ABCA13: variants seen among roughly 807,000 people sequenced by gnomAD.
The protein encoded by ABCA13 is ATP-binding cassette sub-family A member 13.
A neutral mutation model predicts 478.7 loss-of-function variants in ABCA13; 476 were observed. The observed-to-expected ratio is 0.99, with a 90% CI of 0.92 to 1.07. ABCA13 has a LOEUF of 1.07. Ranked by LOEUF, ABCA13 falls within the 50% of genes least tolerant of loss-of-function variation. The pLI, the probability that ABCA13 is intolerant of heterozygous loss-of-function variation, is 0.00. For missense variants in ABCA13, 6,060 were observed against 5,910.6 expected (o/e 1.03, Z -0.83); for synonymous variants, 2,252 against 2,158.9 (o/e 1.04, Z -1.20).
intron 22 of ABCA13, among the ~76,000 whole-genome samples, chr7:48,297,710 G>A (rs1251691219): frequency 1.3e-5 from 2 of 152,032 alleles, no homozygotes; most frequent in Non-Finnish European, 2.9e-5. Flanking sequence ...GAGATGAGTA[G>A]ATGCATGTAT....
rs781366143 is a variant in ABCA13, at chr7:48,352,248, T to C, written c.10449T>C (p.His3483=). 1.2e-6 allele frequency: 2 copies of C among 1,613,150 alleles called. No individual in the cohort carries two copies. The highest frequency in any genetic ancestry group is 4.5e-5 in the East Asian group (2 of 44,872). Residue 3483 remains histidine (H), a synonymous_variant, in exon 31 of 62, where the codon CAT becomes CAC. Transcript: ENST00000435803. ...CAGAGTCTGTCAAACTGCCACCCCA[T>C]GTCTCATACACAATCCGGACCAATG... ...FRSESVKLPP[H]VSYTIRTNVL...
At chr7:48,573,881 T>C (rs904809274) in intron 55 of ABCA13, among the ~76,000 whole-genome samples, 1 of 152,160 alleles carries the variant, frequency 6.6e-6, no homozygotes. Context: ...AGGGATCTGC[T>C]ACAGCCCTGT....
chr7:48,346,035 G>T (rs910849065), intron 29 of ABCA13, among the ~76,000 whole-genome samples: 1 of 152,106 alleles, frequency 6.6e-6, no homozygotes, highest in African/African-American at 2.4e-5. Flanking sequence ...TTCTATGCAG[G>T]TTTGTAGCCT....
intron 57 of ABCA13, among the ~76,000 whole-genome samples, chr7:48,592,557 T>G (rs1789867047): frequency 6.6e-6 from 1 of 151,910 alleles, no homozygotes; most frequent in Non-Finnish European, 1.5e-5. Context: ...CTGCTATTGT[T>G]GGATGGAATG....
At position 48,307,046 on chromosome 7, in the gene ABCA13, G is replaced by T. The variant is rs894149134; in HGVS notation, c.9322-2901G>T. Among the ~76,000 whole-genome samples the T allele has an allele frequency of 1.2e-4, 18 of 152,224 alleles. No individual in the cohort carries two copies. The East Asian group carries it at 3.1e-3, about 26-fold the overall frequency. On this transcript the variant is annotated intron_variant, in intron 23 of 61. Transcript: ENST00000435803. Reference sequence around the variant, plus strand: ...CAGCTCCTTCCTAGGTCCCAAATCCGCTGGCCCACCCTGCAGATTTTGGGC... The same window carrying T: ...CAGCTCCTTCCTAGGTCCCAAATCCTCTGGCCCACCCTGCAGATTTTGGGC...
intron 39 of ABCA13, among the ~76,000 whole-genome samples, chr7:48,407,071 A>G (rs1818360949): frequency 6.6e-6 from 1 of 152,140 alleles, no homozygotes; most frequent in Admixed American, 6.5e-5. Flanking sequence ...TATAATTGAC[A>G]AATGAAAATT....
rs527709669 is a variant in ABCA13 at position 48,280,258 on chromosome 7, G to A, written c.8726+338G>A. Among the ~76,000 whole-genome samples the A allele has an allele frequency of 1.6e-3, 239 of 152,288 alleles. 1 individual carries two copies. Among genetic ancestry groups the A allele is most frequent in the Non-Finnish European group, 3.0e-3 (207 of 68,024 alleles). The stretch of plus-strand genomic sequence containing the variant: ...TGTTCATATCCTCTGGCAGCCAAGG[G>A]TCCTATGACTCAGTATACACACAAG... On this transcript the variant is annotated intron_variant, in intron 18 of 61. Coordinates refer to ENST00000435803, the MANE Select transcript of ABCA13 (RefSeq NM_152701.5).
intron 59 of ABCA13, among the ~76,000 whole-genome samples, chr7:48,641,620 A>G (rs1305242325): frequency 6.6e-6 from 1 of 152,214 alleles, no homozygotes; most frequent in Admixed American, 6.5e-5. Context: ...CAAACACTAC[A>G]TTTTGTCATG....
intron 20 of ABCA13, among the ~76,000 whole-genome samples, chr7:48,294,637 G>A (rs1053041652): frequency 1.6e-4 from 24 of 151,142 alleles, no homozygotes; most frequent in Admixed American, 9.9e-4. Flanking sequence ...TAGTAGAGAC[G>A]GGGTTTCACC....
chr7:48,462,443 T>TCCCCC (rs547024143), intron 43 of ABCA13, among the ~76,000 whole-genome samples: 1 of 148,280 alleles, frequency 6.7e-6, no homozygotes. Context: ...AGTAAAGGAT[T>TCCCCC]CCCCCCCCCC....
chr7:48,289,636 G>T lies in ABCA13; in HGVS notation c.8955+1558G>T, dbSNP rs144538220. The stretch of plus-strand genomic sequence containing the variant: ...GACCTCCCAAAGTGCTGGGATTACA[G>T]GCATGAGCCACCTCGCCCGGCCCCT... On this transcript the variant is annotated intron_variant, in intron 20 of 61. Coordinates refer to ENST00000435803, the MANE Select transcript of ABCA13 (RefSeq NM_152701.5). 7.7e-3 allele frequency among the ~76,000 whole-genome samples: 1,177 copies of T among 152,194 alleles called. 12 individuals carry two copies. Among genetic ancestry groups the T allele is most frequent in the African/African-American group, 0.027 (1,117 of 41,502 alleles).
At chr7:48,407,861 G>A (rs1193211370) in intron 39 of ABCA13, among the ~76,000 whole-genome samples, 2 of 152,030 alleles carry the variant, frequency 1.3e-5, no homozygotes, top group Admixed American at 6.6e-5. Flanking sequence ...ATTATTAATA[G>A]GTATTATATG....
chr7:48,327,889 A>G (rs1804572863), intron 27 of ABCA13, among the ~76,000 whole-genome samples: 2 of 152,216 alleles, frequency 1.3e-5, no homozygotes, highest in African/African-American at 4.8e-5. Flanking sequence ...GAAGTAATAC[A>G]GTTTAAAGAT....
chr7:48,172,959 A>G (rs573723266), intron 1 of ABCA13, among the ~76,000 whole-genome samples: 35 of 151,998 alleles, frequency 2.3e-4, no homozygotes, highest in South Asian at 1.0e-3. Context: ...TGTTTTAGGG[A>G]ATTAGCCTAT....
At chr7:48,593,727 A>AT (rs35705013) in intron 57 of ABCA13, among the ~76,000 whole-genome samples, 24,196 of 138,766 alleles carry the variant, frequency 0.17, 3,059 homozygotes, top group African/African-American at 0.34. Context: ...GTTTGGGAGC[A>AT]TTTTTTTTTT....
chr7:48,410,647 C>T lies in ABCA13; in HGVS notation c.12198C>T (p.Gly4066=), dbSNP rs1386507559. Residue 4066 remains glycine, a synonymous_variant, in exon 40 of 62, where the codon GGC becomes GGT. Coordinates refer to ENST00000435803, the MANE Select transcript of ABCA13 (RefSeq NM_152701.5). Reference sequence around the variant, plus strand: ...CCTTCTGCCTGAAGGAGGCATATGGCCAGGGGCTCCGCCTGACACTCACGA... The same window carrying T: ...CCTTCTGCCTGAAGGAGGCATATGGTCAGGGGCTCCGCCTGACACTCACGA... ...GPPFCLKEAY[G]QGLRLTLTRQ... 1 of 1,613,900 alleles carries T rather than the reference C, an allele frequency of 6.2e-7. No homozygotes were observed. Among genetic ancestry groups the T allele is most frequent in the Non-Finnish European group, 8.5e-7 (1 of 1,179,812 alleles).
chr7:48,516,871 C>T lies in ABCA13; in HGVS notation c.13787C>T (p.Ser4596Phe), dbSNP rs1482933159. Residue 4596 changes from serine (S) to phenylalanine (F), a missense_variant, in exon 52 of 62, where the codon TCC becomes TTC. Around this residue, in one of 3 missense-constraint regions of ABCA13, gnomAD observed 1,627 missense variants for 1,571.0 expected, o/e 1.04. Transcript: ENST00000435803. Reference protein sequence around the residue: ...TIMPRLLAIISKAKNLQNIYD... With the variant: ...TIMPRLLAIIFKAKNLQNIYD... ...ATGCCCCGGTTGCTAGCCATCATCT[C>T]CAAAGCTAAGGTCAGTAGCTTTGTA... is the stretch of plus-strand genomic sequence containing the variant. 6.2e-7 allele frequency: 1 copy of T among 1,613,474 alleles called. No homozygotes were observed. The highest frequency in any genetic ancestry group is 1.3e-5 in the African/African-American group (1 of 74,896).
In ABCA13 at chr7:48,276,669, AC is replaced by A. The variant is rs796665710; in HGVS notation, c.6899+106del. 3.2e-5 allele frequency: 28 copies of A among 869,688 alleles called. 1 individual carries two copies. In the African/African-American group the frequency reaches 4.2e-4, roughly 13 times the overall value. The allele number at this position is 869,688 out of a possible 1,614,324, so 53.9% of individuals were successfully genotyped here. On this transcript the variant is annotated intron_variant, in intron 17 of 61. Coordinates refer to ENST00000435803, the MANE Select transcript of ABCA13 (RefSeq NM_152701.5). ...GTCAAAAACAGTATTTGTATCTAAT[AC>A]CTTTGAAAGATCTTTGATGTAAATT...
In ABCA13 at chr7:48,272,503, C is replaced by T. The variant is rs1353326778; in HGVS notation, c.2837C>T (p.Thr946Ile). 1.2e-6 allele frequency: 2 copies of T among 1,613,780 alleles called. No homozygotes were observed. The highest frequency in any genetic ancestry group is 1.7e-5 in the Admixed American group (1 of 59,988). The change falls in exon 17 of 62, where the codon ACT (threonine) becomes ATT (isoleucine). Residue 946 changes from threonine (T) to isoleucine (I), a missense_variant. This residue lies in a region of ABCA13 where 4,423 missense variants were observed against 4,309.1 expected (regional missense o/e 1.03). Transcript: ENST00000435803. ...AAACAAGAAGTTGATAAAATTTTGA[C>T]TCACATACACCTAAATGTCTTCCAG... The part of the protein sequence containing the change: ...PQKQEVDKIL[T>I]HIHLNVFQDK...
Sources: gnomAD v4.1 joint callset for allele counts (sites outside exome capture counted in the v4.1 genomes callset) on GRCh38, gnomAD v4.1.1 for gene constraint, gnomAD v4.1.1 regional missense constraint, MANE v1.5 for transcripts, NCBI Gene and HGNC (gene_info 2026-07-23, HGNC 2026-07-21) for gene names.